The following KBTBD12 variants were observed in gnomAD, a reference collection of about 807,000 sequenced individuals.
The protein encoded by KBTBD12 is kelch repeat and BTB domain-containing protein 12.
KBTBD12 carries 53 observed loss-of-function variants against 58.7 expected under a neutral mutation model. The observed-to-expected ratio is 0.90, with a 90% CI of 0.72 to 1.14. KBTBD12 has a LOEUF of 1.14. KBTBD12 is among the 50% of genes most tolerant of loss of function. The pLI is 0.00. For missense variants in KBTBD12, 704 were observed against 751.3 expected (o/e 0.94, Z 0.74); for synonymous variants, 236 against 259.8 (o/e 0.91, Z 0.88).
At chr3:127,973,863 A>G (rs1379847640) in intron 5 of KBTBD12, among the ~76,000 whole-genome samples, 4 of 152,242 alleles carry the variant, frequency 2.6e-5, no homozygotes, top group African/African-American at 9.6e-5. Flanking sequence ...TTATCCTAGT[A>G]CTAATGACTA....
intron 5 of KBTBD12, among the ~76,000 whole-genome samples, chr3:127,969,625 A>G (rs1005428874): frequency 6.6e-6 from 1 of 152,228 alleles, no homozygotes; most frequent in Admixed American, 6.5e-5. Context: ...GACAAAACAT[A>G]TCGATCAGTA....
rs1443518516 is a variant in KBTBD12 at position 127,984,963 on chromosome 3, C to T, written c.*685C>T. ...GAAGCAACGCCACCCAGCAGCAGGG[C>T]TAGCTGTACTACCAGCCCCTAACAA... On this transcript the variant is annotated 3_prime_UTR_variant, in exon 6 of 6. Coordinates refer to ENST00000405109, the MANE Select transcript of KBTBD12 (RefSeq NM_207335.4). The T allele has an allele frequency of 1.3e-5, 2 of 152,570 alleles. No individual in the cohort carries two copies. The highest frequency in any genetic ancestry group is 2.9e-5 in the Non-Finnish European group (2 of 68,314). 9.5% of individuals were successfully genotyped at this position (152,570 alleles called of 1,614,324 possible). A position where few individuals can be genotyped will look rare whatever the true frequency, so the allele number is the denominator to read the frequency against.
At chr3:127,968,802 A>G (rs1940633121) in intron 5 of KBTBD12, among the ~76,000 whole-genome samples, 1 of 152,200 alleles carries the variant, frequency 6.6e-6, no homozygotes, top group Admixed American at 6.6e-5. Context: ...AAAAAAGAAA[A>G]CGAATCAATG....
At chr3:127,954,363 A>C (rs1940274031) in intron 4 of KBTBD12, among the ~76,000 whole-genome samples, 1 of 152,246 alleles carries the variant, frequency 6.6e-6, no homozygotes, top group South Asian at 2.1e-4. Context: ...AAGGTAGAAC[A>C]TTCTGGGTTC....
At chr3:127,925,226 C>T (rs576386860) in intron 2 of KBTBD12, among the ~76,000 whole-genome samples, 2 of 152,258 alleles carry the variant, frequency 1.3e-5, no homozygotes, top group African/African-American at 4.8e-5. Context: ...TAGACCCGTG[C>T]CCATGGGTAC....
chr3:127,984,167 C>A lies in KBTBD12; in HGVS notation c.1761C>A (p.Ala587=). ...DPWENQWNVV[A]INVLMHDSYD... ...GGGAAAACCAGTGGAATGTTGTAGC[C>A]ATCAACGTCCTCATGCATGACAGCT... Residue 587 remains alanine (A), a synonymous_variant, in exon 6 of 6, where the codon GCC becomes GCA. Coordinates refer to ENST00000405109, the MANE Select transcript of KBTBD12 (RefSeq NM_207335.4). The A allele has an allele frequency of 6.2e-7, 1 of 1,613,750 alleles. No homozygotes were observed. The highest frequency in any genetic ancestry group is 8.5e-7 in the Non-Finnish European group (1 of 1,179,690).
intron 5 of KBTBD12, among the ~76,000 whole-genome samples, chr3:127,979,824 C>G (rs1435423200): frequency 1.3e-5 from 2 of 152,204 alleles, no homozygotes; most frequent in African/African-American, 2.4e-5. Context: ...AGAACACATA[C>G]ATTGACTAAC....
At chr3:127,965,944 T>C (rs1279967749) in intron 5 of KBTBD12, among the ~76,000 whole-genome samples, 3 of 152,162 alleles carry the variant, frequency 2.0e-5, no homozygotes, top group Non-Finnish European at 4.4e-5. Flanking sequence ...TCTCAGGAGT[T>C]GGCAACAAAA....
rs190305080 is a variant in KBTBD12, at chr3:127,923,130, C to A, written c.69C>A (p.Asn23Lys). 3 of 1,612,356 alleles carry A rather than the reference C, an allele frequency of 1.9e-6. No individual in the cohort carries two copies. In the Admixed American group the frequency reaches 5.0e-5, roughly 27 times the overall value. ...HSLNLLNKIQ[N>K]MKELAEMIDV... Reference sequence around the variant, plus strand: ...TGAATTTACTGAATAAAATTCAGAACATGAAAGAATTAGCAGAAATGATTG... The same window carrying A: ...TGAATTTACTGAATAAAATTCAGAAAATGAAAGAATTAGCAGAAATGATTG... The change falls in exon 2 of 6, where the codon AAC becomes AAA. Residue 23 changes from asparagine to lysine, a missense_variant. Coordinates refer to ENST00000405109, the MANE Select transcript of KBTBD12 (RefSeq NM_207335.4).
chr3:127,964,484 A>G (rs942973959), intron 5 of KBTBD12, among the ~76,000 whole-genome samples: 1 of 149,294 alleles, frequency 6.7e-6, no homozygotes, highest in Non-Finnish European at 1.5e-5. Flanking sequence ...AAAAAAAAAA[A>G]TACAAAAATT....
intron 4 of KBTBD12, among the ~76,000 whole-genome samples, chr3:127,948,478 C>T (rs1940135856): frequency 6.6e-6 from 1 of 152,246 alleles, no homozygotes; most frequent in African/African-American, 2.4e-5. Context: ...TAGACCCTCC[C>T]CCATGGGGTG....
At chr3:127,945,015 G>T (rs1336468993) in intron 4 of KBTBD12, among the ~76,000 whole-genome samples, 1 of 151,352 alleles carries the variant, frequency 6.6e-6, no homozygotes, top group Non-Finnish European at 1.5e-5. Context: ...TAAGTAGCTG[G>T]GACCACAGAC....
At chr3:127,937,160 A>G (rs1939846446) in intron 4 of KBTBD12, among the ~76,000 whole-genome samples, 1 of 134,494 alleles carries the variant, frequency 7.4e-6, no homozygotes, top group South Asian at 2.6e-4. Flanking sequence ...ACTGGTGGAA[A>G]TAATGGCCAG....
Position 127,931,699 on chromosome 3 carries a change from C to G in KBTBD12, c.1492+1416C>G, listed in dbSNP as rs749062560. On this transcript the variant is annotated intron_variant, in intron 4 of 5. Coordinates refer to ENST00000405109, the MANE Select transcript of KBTBD12 (RefSeq NM_207335.4). ...GAGCTTACACTTCATGGCATGGACA[C>G]TGTCCATTGAATGAATGAAAGGAGG... Among the ~76,000 whole-genome samples, 35 of 152,100 alleles carry G rather than the reference C, an allele frequency of 2.3e-4. 2 individuals carry two copies. Among genetic ancestry groups the G allele is most frequent in the Admixed American group, 1.9e-3 (29 of 15,262 alleles).
At chr3:127,979,384 A>C (rs559080343) in intron 5 of KBTBD12, among the ~76,000 whole-genome samples, 1 of 152,228 alleles carries the variant, frequency 6.6e-6, no homozygotes, top group African/African-American at 2.4e-5. Flanking sequence ...AGCAGAAGCT[A>C]TTGGAAATAG....
rs112662811 is a variant in KBTBD12 at position 127,940,630 on chromosome 3, C to T, written c.1492+10347C>T. Reference sequence around the variant, plus strand: ...TTGTATTAGAAAAGAAGAAAGTTCTCACATCTATAGTCTAAGCCCCTGATT... The same window carrying T: ...TTGTATTAGAAAAGAAGAAAGTTCTTACATCTATAGTCTAAGCCCCTGATT... On this transcript the variant is annotated intron_variant, in intron 4 of 5. Coordinates refer to ENST00000405109, the MANE Select transcript of KBTBD12 (RefSeq NM_207335.4). Among the ~76,000 whole-genome samples, 812 of 152,114 alleles carry T rather than the reference C, an allele frequency of 5.3e-3. 5 individuals are homozygous for T. Among genetic ancestry groups the T allele is most frequent in the African/African-American group, 0.018 (731 of 41,508 alleles).
In KBTBD12 at chr3:127,926,268, G is replaced by T. The variant is rs369423995; in HGVS notation, c.1071-1496G>T. Among the ~76,000 whole-genome samples the T allele has an allele frequency of 4.6e-5, 7 of 152,176 alleles. No homozygotes were observed. The South Asian group carries it at 8.3e-4, about 18-fold the overall frequency. On this transcript the variant is annotated intron_variant, in intron 2 of 5. Coordinates refer to ENST00000405109, the MANE Select transcript of KBTBD12 (RefSeq NM_207335.4). The stretch of plus-strand genomic sequence containing the variant: ...CAAACATCTACTTTCTAACCTTTAT[G>T]GGATGTACTTCATTCCTAGCCTATT...
chr3:127,935,158 T>C (rs558526422), intron 4 of KBTBD12, among the ~76,000 whole-genome samples: 1 of 152,186 alleles, frequency 6.6e-6, no homozygotes, highest in Non-Finnish European at 1.5e-5. Flanking sequence ...GTAAAAAATG[T>C]ATTTTATACC....
chr3:127,971,464 G>A (rs954790695), intron 5 of KBTBD12, among the ~76,000 whole-genome samples: 1 of 152,164 alleles, frequency 6.6e-6, no homozygotes, highest in Non-Finnish European at 1.5e-5. Context: ...CCCCACTTTG[G>A]CTCTTGTTCC....
Sources: gnomAD v4.1 joint callset for allele counts (sites outside exome capture counted in the v4.1 genomes callset) on GRCh38, gnomAD v4.1.1 for gene constraint, MANE v1.5 for transcripts, NCBI Gene and HGNC (gene_info 2026-07-23, HGNC 2026-07-21) for gene names.